Variants in SMAD1 observed in about 807,000 individuals in gnomAD.
SMAD1 encodes the protein MAD, mothers against decapentaplegic homolog 1.
A neutral mutation model predicts 41.6 loss-of-function variants in SMAD1; 6 were observed. The ratio of observed to expected loss-of-function variants is 0.14; its 90% CI spans 0.08 to 0.28. The LOEUF is 0.28. SMAD1 is among the 10% of genes least tolerant of loss of function. The pLI is 1.00. For missense variants in SMAD1, 379 were observed against 582.6 expected (o/e 0.65, Z 3.60); for synonymous variants, 206 against 203.2 (o/e 1.01, Z -0.12).
chr4:145,556,243 CATT>C (rs1411150655), intron 6 of SMAD1, among the ~76,000 whole-genome samples: 2 of 152,154 alleles, frequency 1.3e-5, no homozygotes, highest in Non-Finnish European at 1.5e-5. Flanking sequence ...TGCTTTCTGT[CATT>C]ATGCTGTATA....
intron 2 of SMAD1, among the ~76,000 whole-genome samples, chr4:145,524,376 T>G (rs1416606788): frequency 2.6e-5 from 4 of 152,172 alleles, no homozygotes; most frequent in African/African-American, 9.7e-5. Flanking sequence ...GGCATTTGTT[T>G]TGGGTTATTA....
At chr4:145,552,579 T>A (rs1398716676) in intron 5 of SMAD1, among the ~76,000 whole-genome samples, 1 of 152,022 alleles carries the variant, frequency 6.6e-6, no homozygotes, top group Non-Finnish European at 1.5e-5. Context: ...CAGGTGATAG[T>A]TCAGTGAGAT....
At chr4:145,546,952 A>G (rs377008232) in intron 5 of SMAD1, 28 bp downstream of exon 5, 3 of 1,541,508 alleles carry the variant, frequency 1.9e-6, no homozygotes, top group East Asian at 2.2e-5. Context: ...CCTCTTTCAG[A>G]TGTTTATCTG....
At chr4:145,505,513 G>A (rs1047332012) in intron 1 of SMAD1, among the ~76,000 whole-genome samples, 3 of 151,874 alleles carry the variant, frequency 2.0e-5, no homozygotes, top group Non-Finnish European at 4.4e-5. Flanking sequence ...TAGCTGCTCC[G>A]GAGGCTGAGG....
chr4:145,513,087 C>T (rs1730177606), intron 1 of SMAD1, among the ~76,000 whole-genome samples: 1 of 152,216 alleles, frequency 6.6e-6, no homozygotes, highest in Non-Finnish European at 1.5e-5. Flanking sequence ...CGCTATGAGG[C>T]TACTAGAAGC....
At chr4:145,510,846 T>A (rs1730035924) in intron 1 of SMAD1, among the ~76,000 whole-genome samples, 1 of 152,218 alleles carries the variant, frequency 6.6e-6, no homozygotes, top group South Asian at 2.1e-4. Flanking sequence ...TAATTGTTAG[T>A]CTTTTGCTTT....
In SMAD1 at chr4:145,502,596, CAGAA is replaced by C. The variant is rs1452894358; in HGVS notation, c.-176-11837_-176-11834del. Among the ~76,000 whole-genome samples the C allele has an allele frequency of 2.6e-5, 4 of 152,276 alleles. No homozygotes were observed. In the South Asian group the frequency reaches 8.3e-4, roughly 32 times the overall value. Reference sequence around the variant, plus strand: ...AGGATTTGTGTATGCAGAACAGAACCAGAAAGAACTCTTTTTAAAGAATTTTCTG... The same window carrying C: ...AGGATTTGTGTATGCAGAACAGAACCAGAACTCTTTTTAAAGAATTTTCTG... On this transcript the variant is annotated intron_variant, in intron 1 of 6. Transcript: ENST00000302085.
At chr4:145,512,465 T>TA (rs1322299572) in intron 1 of SMAD1, among the ~76,000 whole-genome samples, 1 of 152,258 alleles carries the variant, frequency 6.6e-6, no homozygotes, top group African/African-American at 2.4e-5. Flanking sequence ...GAGCATTTTT[T>TA]ACCAGTCTTC....
intron 1 of SMAD1, among the ~76,000 whole-genome samples, chr4:145,506,122 T>G (rs904223283): frequency 1.3e-5 from 2 of 152,064 alleles, no homozygotes; most frequent in Admixed American, 1.3e-4. Context: ...ATTACAGGTG[T>G]GAGCCACCAA....
intron 1 of SMAD1, among the ~76,000 whole-genome samples, chr4:145,513,678 A>G (rs1730217842): frequency 6.6e-6 from 1 of 152,216 alleles, no homozygotes; most frequent in Non-Finnish European, 1.5e-5. Context: ...GAACAAACCA[A>G]AAAAACAGAG....
intron 1 of SMAD1, among the ~76,000 whole-genome samples, chr4:145,499,267 C>T (rs1207713021): frequency 6.6e-6 from 1 of 152,184 alleles, no homozygotes; most frequent in African/African-American, 2.4e-5. Flanking sequence ...GAAAATTCTG[C>T]ACCTAACTTT....
At position 145,542,612 on chromosome 4, in the gene SMAD1, C is replaced by A. The variant is rs1310181065; in HGVS notation, c.689C>A (p.Pro230His). Residue 230 changes from proline (P) to histidine (H), a missense_variant, in exon 4 of 7, where the codon CCT (proline) becomes CAT (histidine). Physicochemically the swap from Pro to His is moderately conservative, Grantham distance 77. Around this residue, in one of 3 missense-constraint regions of SMAD1, gnomAD observed 208 missense variants for 210.5 expected, o/e 0.99. Transcript: ENST00000302085. ...ADTPPPAYLP[P>H]EDPMTQDGSQ... The stretch of plus-strand genomic sequence containing the variant: ...ACGCCCCCACCTGCTTACCTGCCTC[C>A]TGAAGACCCCATGACCCAGGATGGC... 1 of 1,611,822 alleles carries A rather than the reference C, an allele frequency of 6.2e-7. No homozygotes were observed. The highest frequency in any genetic ancestry group is 1.1e-5 in the South Asian group (1 of 90,376).
chr4:145,522,707 T>A (rs1730815480), intron 2 of SMAD1, among the ~76,000 whole-genome samples: 2 of 151,946 alleles, frequency 1.3e-5, no homozygotes, highest in African/African-American at 4.8e-5. Context: ...TGAGATGGAG[T>A]CTCGCCCTGT....
intron 4 of SMAD1, chr4:145,545,860 A>G (rs1732223345): frequency 6.6e-6 from 1 of 152,210 alleles, no homozygotes; most frequent in African/African-American, 2.4e-5. Context: ...ATTCATCTTT[A>G]AAACCTTTTA....
chr4:145,502,630 A>G (rs1729512249), intron 1 of SMAD1, among the ~76,000 whole-genome samples: 1 of 152,260 alleles, frequency 6.6e-6, no homozygotes, highest in African/African-American at 2.4e-5. Context: ...TTTCTGATAT[A>G]ATGAAGATAC....
intron 2 of SMAD1, among the ~76,000 whole-genome samples, chr4:145,531,658 T>TA (rs1491459524): frequency 1.3e-5 from 2 of 152,126 alleles, no homozygotes; most frequent in Non-Finnish European, 2.9e-5. Context: ...GTGAGGAAAC[T>TA]GAGTCCCTGA....
At chr4:145,508,256 C>A (rs755792321) in intron 1 of SMAD1, among the ~76,000 whole-genome samples, 41 of 152,114 alleles carry the variant, frequency 2.7e-4, no homozygotes, top group Middle Eastern at 6.8e-3. Flanking sequence ...CAGCTTGTAT[C>A]ATCATCTCCA....
At chr4:145,527,051 ATCTT>A (rs949649453) in intron 2 of SMAD1, among the ~76,000 whole-genome samples, 24 of 152,170 alleles carry the variant, frequency 1.6e-4, no homozygotes, top group African/African-American at 5.3e-4. Flanking sequence ...ACTTCTGTGT[ATCTT>A]TCTTAGAATA....
At chr4:145,549,282 T>C (rs912733734) in intron 5 of SMAD1, among the ~76,000 whole-genome samples, 2 of 152,196 alleles carry the variant, frequency 1.3e-5, no homozygotes, top group African/African-American at 4.8e-5. Context: ...ATTAGACCAA[T>C]GTTAAATGTA....
Sources: gnomAD v4.1 joint callset for allele counts (sites outside exome capture counted in the v4.1 genomes callset) on GRCh38, gnomAD v4.1.1 for gene constraint, gnomAD v4.1.1 regional missense constraint, MANE v1.5 for transcripts, NCBI Gene and HGNC (gene_info 2026-07-23, HGNC 2026-07-21) for gene names.